The following C14orf39 variants were observed in gnomAD, a reference collection of about 807,000 sequenced individuals.
C14orf39 encodes the protein chromosome 14 open reading frame 39.
In C14orf39, 66 loss-of-function variants were observed where a neutral mutation model predicts 85.6. The ratio of observed to expected loss-of-function variants is 0.77; its 90% confidence interval spans 0.63 to 0.95. The LOEUF (loss-of-function observed/expected upper bound fraction) is 0.95. Ranked by LOEUF, C14orf39 falls within the 40% of genes least tolerant of loss-of-function variation. C14orf39 has a pLI of 0.00. For synonymous variants in C14orf39, 242 were observed against 214.0 expected, an observed-to-expected ratio of 1.13 and a Z score of -1.14; for missense variants, 735 against 663.9, an observed-to-expected ratio of 1.11 and a Z score of -1.18.
At chr14:60,500,634 G>A (rs1045792372) in intron 1 of C14orf39, among the ~76,000 whole-genome samples, 8 of 152,132 alleles carry the variant, frequency 5.3e-5, no homozygotes, top group Non-Finnish European at 7.4e-5. Flanking sequence ...AAATGTTCAC[G>A]AAATGTTATC....
chr14:60,440,545 T>C (rs1890460131), intron 17 of C14orf39, among the ~76,000 whole-genome samples: 1 of 152,224 alleles, frequency 6.6e-6, no homozygotes, highest in Admixed American at 6.5e-5. Flanking sequence ...TGTATCATTT[T>C]ATAGCTTCCT....
intron 11 of C14orf39, among the ~76,000 whole-genome samples, chr14:60,463,756 T>G (rs573733843): frequency 6.6e-6 from 1 of 152,248 alleles, no homozygotes; most frequent in South Asian, 2.1e-4. Context: ...TTTTTAGAAT[T>G]TGTTGAGATA....
intron 1 of C14orf39, among the ~76,000 whole-genome samples, chr14:60,501,124 A>G (rs1364616940): frequency 6.6e-6 from 1 of 151,998 alleles, no homozygotes; most frequent in African/African-American, 2.4e-5. Context: ...CAATATAGAG[A>G]GACCCTGTCT....
intron 16 of C14orf39, 142 bp from the exon 17 acceptor site, chr14:60,442,273 T>A (rs1890556284): frequency 8.3e-6 from 4 of 480,686 alleles, no homozygotes; most frequent in Non-Finnish European, 1.5e-5. Flanking sequence ...CACACTCTTA[T>A]ACTTAAAAAG....
intron 7 of C14orf39, among the ~76,000 whole-genome samples, chr14:60,470,292 A>C (rs1391910162): frequency 6.6e-6 from 1 of 151,918 alleles, no homozygotes; most frequent in Non-Finnish European, 1.5e-5. Flanking sequence ...GTCCTAAATT[A>C]TAATCCATTT....
At chr14:60,473,209 AG>A (rs1432091074) in intron 5 of C14orf39, among the ~76,000 whole-genome samples, 3 of 152,132 alleles carry the variant, frequency 2.0e-5, no homozygotes, top group Admixed American at 6.5e-5. Context: ...TCTTCTTTTG[AG>A]AAGTGTCTGT....
chr14:60,483,845 A>G (rs1232790544), intron 3 of C14orf39, 28 bp from the exon 4 acceptor site: 1 of 1,410,460 alleles, frequency 7.1e-7, no homozygotes. Context: ...TTATTTTCTT[A>G]ATGTAGAAAT....
intron 9 of C14orf39, among the ~76,000 whole-genome samples, chr14:60,467,256 A>C (rs1891838886): frequency 1.3e-5 from 2 of 151,858 alleles, no homozygotes; most frequent in Non-Finnish European, 2.9e-5. Context: ...ATTAAGTTCA[A>C]TGCTCTTCTC....
At position 60,483,767 on chromosome 14, in the gene C14orf39, C is replaced by G; in HGVS notation, c.157G>C (p.Glu53Gln). ...TCCTCATCTGTTGCATTTATAGTTTCGTGTATCCTACAAATAGTTACTTTG... is the reference window on the plus strand; with the variant it reads ...TCCTCATCTGTTGCATTTATAGTTTGGTGTATCCTACAAATAGTTACTTTG... ...ENKVTICRIH[E>Q]TINATDEEID... Residue 53 changes from glutamate (E) to glutamine (Q), a missense_variant, in exon 4 of 18, where the codon GAA (glutamate) becomes CAA (glutamine). Transcript: ENST00000321731. The G allele has an allele frequency of 6.4e-7, 1 of 1,566,296 alleles. No homozygotes were observed. The highest frequency in any genetic ancestry group is 8.8e-7 in the Non-Finnish European group (1 of 1,139,990).
Position 60,451,382 on chromosome 14 carries a change from A to G in C14orf39, c.1503+3619T>C, listed in dbSNP as rs377438604. On this transcript the variant is annotated intron_variant, in intron 16 of 17. Coordinates refer to ENST00000321731, the MANE Select transcript of C14orf39 (RefSeq NM_174978.3). ...ATAAATCATGCTACTATAAAGACAC[A>G]TGCACACGTATGTTTATTGCGGCAC... 5.6e-3 allele frequency among the ~76,000 whole-genome samples: 846 copies of G among 152,280 alleles called. 2 individuals are homozygous for G. The highest frequency in any genetic ancestry group is 0.018 in the African/African-American group (759 of 41,570).
intron 1 of C14orf39, chr14:60,509,567 C>G (rs2140187820): frequency 6.2e-7 from 1 of 1,612,328 alleles, no homozygotes. Flanking sequence ...GCTACGCGCA[C>G]GAGCCATCGT....
chr14:60,462,465 G>T lies in C14orf39; in HGVS notation c.973-872C>A, dbSNP rs188473027. Among the ~76,000 whole-genome samples the T allele has an allele frequency of 5.9e-5, 9 of 152,134 alleles. No individual in the cohort carries two copies. The East Asian group carries it at 1.7e-3, about 29-fold the overall frequency. On this transcript the variant is annotated intron_variant, in intron 11 of 17. Coordinates refer to ENST00000321731, the MANE Select transcript of C14orf39 (RefSeq NM_174978.3). ...TTCTTTCAAGCCTTTTGTTCTCCTT[G>T]AATCACTCATTTTAAAAAGTCCCTG...
At chr14:60,467,938 TA>T (rs1489201130) in intron 9 of C14orf39, among the ~76,000 whole-genome samples, 19 of 151,410 alleles carry the variant, frequency 1.3e-4, no homozygotes, top group African/African-American at 4.1e-4. Flanking sequence ...AAAGTCCATC[TA>T]TTTTTTTTTT....
chr14:60,442,488 T>C (rs1180333612), intron 16 of C14orf39, among the ~76,000 whole-genome samples: 8 of 152,174 alleles, frequency 5.3e-5, no homozygotes, highest in Non-Finnish European at 1.5e-5. Context: ...TCATGTCAGT[T>C]GAGATCAAGT....
At chr14:60,476,819 C>A (rs1892399511) in intron 5 of C14orf39, among the ~76,000 whole-genome samples, 1 of 152,060 alleles carries the variant, frequency 6.6e-6, no homozygotes, top group Non-Finnish European at 1.5e-5. Context: ...GGAGAAATTT[C>A]TCTCAAACCT....
rs562941948 is a variant in C14orf39 at position 60,456,925 on chromosome 14, C to T, written c.1350G>A (p.Pro450=). 1.5e-5 allele frequency: 23 copies of T among 1,558,946 alleles called. No homozygotes were observed. Among genetic ancestry groups the T allele is most frequent in the East Asian group, 9.2e-5 (4 of 43,244 alleles). The change falls in exon 15 of 18, where the codon CCG becomes CCA. Residue 450 remains proline (P), a synonymous_variant. Transcript: ENST00000321731. The part of the protein sequence containing the change: ...LEKIKFPKTP[P]FEINRNRNAV... ...ATTAATTAAAATCCTACATTTCGAA[C>T]GGGGGGGTTTTAGGGAATTTTATTT...
chr14:60,498,543 A>C (rs1566688115), intron 2 of C14orf39, among the ~76,000 whole-genome samples: 1 of 152,228 alleles, frequency 6.6e-6, no homozygotes. Flanking sequence ...CAGGGAATTC[A>C]GTGGAAAAAC....
intron 16 of C14orf39, among the ~76,000 whole-genome samples, chr14:60,444,364 T>C (rs1890663347): frequency 6.6e-6 from 1 of 152,074 alleles, no homozygotes. Context: ...AATGGCCTGA[T>C]GGAGCTGAAA....
chr14:60,489,723 T>G (rs1193021556), upstream of C14orf39, among the ~76,000 whole-genome samples: 1 of 152,214 alleles, frequency 6.6e-6, no homozygotes. Flanking sequence ...TCCATTTAAT[T>G]GGATCCCTCT....
Sources: gnomAD v4.1 joint callset for allele counts (sites outside exome capture counted in the v4.1 genomes callset) on GRCh38, gnomAD v4.1.1 for gene constraint, MANE v1.5 for transcripts, NCBI Gene and HGNC (gene_info 2026-07-23, HGNC 2026-07-21) for gene names.